The following NUP54 variants were observed in gnomAD, a reference collection of about 807,000 sequenced individuals.
NUP54 encodes nucleoporin p54.
A neutral mutation model predicts 66.4 loss-of-function variants in NUP54; 27 were observed. The observed-to-expected ratio is 0.41, with a 90% confidence interval of 0.30 to 0.56. The LOEUF (loss-of-function observed/expected upper bound fraction) is 0.56, where lower values mean the gene tolerates loss of function less well. NUP54 is among the 20% of genes least tolerant of loss of function. The pLI is 0.34. For missense variants in NUP54, 486 were observed against 596.3 expected (o/e 0.82, Z 1.93); for synonymous variants, 206 against 210.7 (o/e 0.98, Z 0.19).
At chr4:76,129,781 C>T (rs1578679150) in intron 8 of NUP54, among the ~76,000 whole-genome samples, 2 of 137,684 alleles carry the variant, frequency 1.5e-5, no homozygotes, top group South Asian at 2.4e-4. Context: ...AGGAGAATGG[C>T]GTGAACTCAG....
At chr4:76,116,274 T>C (rs1333009591) in intron 11 of NUP54, among the ~76,000 whole-genome samples, 1 of 152,230 alleles carries the variant, frequency 6.6e-6, no homozygotes, top group Non-Finnish European at 1.5e-5. Context: ...ATGTGTGTAA[T>C]ATCCAAGAAC....
chr4:76,144,186 T>G lies in NUP54; in HGVS notation c.258A>C (p.Gly86=). 1.2e-6 allele frequency: 2 copies of G among 1,614,084 alleles called. No individual in the cohort carries two copies. Among genetic ancestry groups the G allele is most frequent in the Non-Finnish European group, 1.7e-6 (2 of 1,180,000 alleles). Residue 86 remains glycine (G), a synonymous_variant, in exon 3 of 12, where the codon GGA becomes GGC. Coordinates refer to ENST00000264883, the MANE Select transcript of NUP54 (RefSeq NM_017426.4). The part of the protein sequence containing the change: ...GLGTGLGTGL[G]FGGFNTQQQQ... ...GCTGCTGTGTATTAAATCCTCCAAA[T>G]CCCAGTCCAGTTCCCAAACCAGTAC...
rs775109047 is a variant in NUP54, at chr4:76,129,966, G to GTTTTTTTTTT, written c.1056+680_1056+689dup. Among the ~76,000 whole-genome samples, 16 of 56,864 alleles carry GTTTTTTTTTT rather than the reference G, an allele frequency of 2.8e-4. 4 individuals are homozygous for GTTTTTTTTTT. The highest frequency in any genetic ancestry group is 4.8e-4 in the Non-Finnish European group (16 of 33,170). 37.3% of individuals were successfully genotyped at this position (56,864 alleles called of 152,430 possible). ...AATCTTTAAGTATTTAATTATGAAA[G>GTTTTTTTTTT]TTTTTTTTTTTTTTTTTTTTTTTTT... On this transcript the variant is annotated intron_variant, in intron 8 of 11. Coordinates refer to ENST00000264883, the MANE Select transcript of NUP54 (RefSeq NM_017426.4).
chr4:76,134,450 T>C (rs1015034788), intron 4 of NUP54, 88 bp from the exon 5 acceptor site: 12 of 1,088,658 alleles, frequency 1.1e-5, no homozygotes, highest in African/African-American at 1.6e-5. Flanking sequence ...TCTGCTAAAA[T>C]GGGAAAAACA....
intron 3 of NUP54, among the ~76,000 whole-genome samples, chr4:76,136,735 G>A (rs1244631621): frequency 6.6e-6 from 1 of 152,120 alleles, no homozygotes; most frequent in African/African-American, 2.4e-5. Context: ...AGAGCCGCGA[G>A]CCAAGAAATG....
intron 8 of NUP54, among the ~76,000 whole-genome samples, chr4:76,130,072 C>G (rs1243899059): frequency 1.5e-5 from 2 of 132,584 alleles, no homozygotes; most frequent in African/African-American, 5.9e-5. Context: ...CCTCTGCCTC[C>G]CGGGTTCAAA....
chr4:76,135,266 GCT>G (rs1205570214), intron 4 of NUP54, among the ~76,000 whole-genome samples: 3 of 151,790 alleles, frequency 2.0e-5, no homozygotes, highest in African/African-American at 7.3e-5. Flanking sequence ...CTAAATAATT[GCT>G]CTTTTAGATA....
chr4:76,117,524 T>C, intron 11 of NUP54, 140 bp downstream of exon 11: 1 of 583,134 alleles, frequency 1.7e-6, no homozygotes, highest in Non-Finnish European at 3.0e-6. Flanking sequence ...TGAACCATTT[T>C]ACATTCCCCC....
chr4:76,148,311 C>CG lies in NUP54; in HGVS notation c.63dup (p.Ala22ArgfsTer25). 2 of 1,508,308 alleles carry CG rather than the reference C, an allele frequency of 1.3e-6. No homozygotes were observed. The highest frequency in any genetic ancestry group is 1.8e-6 in the Non-Finnish European group (2 of 1,126,596). The allele number at this position is 1,508,308 out of a possible 1,614,324, so 93.4% of individuals were successfully genotyped here. A position where few individuals can be genotyped will look rare whatever the true frequency, so the allele number is the denominator to read the frequency against. On this transcript the variant is annotated frameshift_variant, in exon 1 of 12. Coordinates refer to ENST00000264883, the MANE Select transcript of NUP54 (RefSeq NM_017426.4). LOFTEE classifies it high-confidence loss of function. ...AAGGTCTAGGGGGATCACTCACCCG[C>CG]GGGGGCCGCGGTGGCTGCAGCGGTA...
chr4:76,147,767 CCAAA>C lies in NUP54; in HGVS notation c.67+537_67+540del, dbSNP rs148078946. 1,123 of 671,426 alleles carry C rather than the reference CCAAA, an allele frequency of 1.7e-3. 6 individuals are homozygous for C. In the African/African-American group the frequency reaches 0.02, roughly 12 times the overall value. 41.6% of individuals were successfully genotyped at this position (671,426 alleles called of 1,614,324 possible). ...AGAAGTGAACAAACCTGGTTTTGCT[CCAAA>C]CAGTTTAAGAAAGCAGAGTGGGGGT... On this transcript the variant is annotated intron_variant, in intron 1 of 11. Transcript: ENST00000264883.
chr4:76,129,966 G>GTTTTTTTTTTTTTTTTT (rs775109047), intron 8 of NUP54, among the ~76,000 whole-genome samples: 2 of 56,862 alleles, frequency 3.5e-5, no homozygotes, highest in Non-Finnish European at 6.0e-5. Flanking sequence ...AATTATGAAA[G>GTTTTTTTTTTTTTTTTT]TTTTTTTTTT....
chr4:76,143,625 A>T (rs1731360176), intron 3 of NUP54, among the ~76,000 whole-genome samples: 1 of 152,306 alleles, frequency 6.6e-6, no homozygotes, highest in East Asian at 1.9e-4. Context: ...AATAAATAAA[A>T]AAGAGAGATA....
intron 9 of NUP54, among the ~76,000 whole-genome samples, chr4:76,123,205 G>A (rs1027368125): frequency 4.6e-5 from 7 of 152,158 alleles, no homozygotes; most frequent in Non-Finnish European, 1.5e-5. Flanking sequence ...AAATAGTATG[G>A]TATGCAAATT....
intron 9 of NUP54, among the ~76,000 whole-genome samples, chr4:76,120,855 C>T (rs541073289): frequency 6.6e-6 from 1 of 152,246 alleles, no homozygotes; most frequent in Admixed American, 6.5e-5. Flanking sequence ...ATCTTTTGCC[C>T]AAATTTCAAT....
rs1401593762 is a variant in NUP54, at chr4:76,114,844, A to G, written c.*522T>C. 6.6e-6 allele frequency: 1 copy of G among 152,226 alleles called. No individual in the cohort carries two copies. Among genetic ancestry groups the G allele is most frequent in the Non-Finnish European group, 1.5e-5 (1 of 68,038 alleles). The allele number at this position is 152,226 out of a possible 1,614,324, so 9.4% of individuals were successfully genotyped here. A position where few individuals can be genotyped will look rare whatever the true frequency, so the allele number is the denominator to read the frequency against. On this transcript the variant is annotated 3_prime_UTR_variant, in exon 12 of 12. Transcript: ENST00000264883. ...TATAAAAATACATTTTCATATCTTT[A>G]TAGAACAAAAACAAAACATTAAATG... is the stretch of plus-strand genomic sequence containing the variant.
At position 76,136,991 on chromosome 4, in the gene NUP54, T is replaced by C. The variant is rs1731067024; in HGVS notation, c.296-579A>G. On this transcript the variant is annotated intron_variant, in intron 3 of 11. Transcript: ENST00000264883. The stretch of plus-strand genomic sequence containing the variant: ...AACCTTATAACGTTAAATTTGTTTT[T>C]CTAATAATATTTTTTTGAGACAGGG... Among the ~76,000 whole-genome samples, 3 of 152,202 alleles carry C rather than the reference T, an allele frequency of 2.0e-5. No homozygotes were observed. In the South Asian group the frequency reaches 6.2e-4, roughly 31 times the overall value.
intron 6 of NUP54, among the ~76,000 whole-genome samples, chr4:76,131,696 T>C (rs12648709): frequency 0.1 from 15,407 of 152,114 alleles, 951 homozygotes; most frequent in South Asian, 0.23. Flanking sequence ...ATTCCTGTTA[T>C]GAATATAAAC....
At chr4:76,147,979 G>A (rs977529394) in intron 1 of NUP54, 1 of 341,176 alleles carries the variant, frequency 2.9e-6, no homozygotes, top group Admixed American at 4.4e-5. Context: ...GGTGCAGAGG[G>A]GAGGGAGGTT....
chr4:76,130,416 G>A (rs1327027026), intron 8 of NUP54, among the ~76,000 whole-genome samples: 1 of 152,090 alleles, frequency 6.6e-6, no homozygotes, highest in Non-Finnish European at 1.5e-5. Context: ...AACTGGAAAT[G>A]ACAGTCTAAT....
Sources: gnomAD v4.1 joint callset for allele counts (sites outside exome capture counted in the v4.1 genomes callset) on GRCh38, gnomAD v4.1.1 for gene constraint, MANE v1.5 for transcripts, NCBI Gene and HGNC (gene_info 2026-07-23, HGNC 2026-07-21) for gene names.